Variants in SPART observed in about 807,000 individuals in gnomAD.
SPART encodes spastic paraplegia 20 (Troyer syndrome).
Under a neutral mutation model 58.7 loss-of-function variants are expected in SPART, and 35 were observed. The observed-to-expected ratio is 0.60, with a 90% CI of 0.46 to 0.79. The LOEUF is 0.79. SPART is among the 30% of genes least tolerant of loss of function. The probability of loss-of-function intolerance (pLI) is 0.00; values close to 1 mark genes in which losing one functional copy is unlikely to be tolerated. For missense variants in SPART, 730 were observed against 786.1 expected (o/e 0.93, Z 0.85); for synonymous variants, 284 against 280.7 (o/e 1.01, Z -0.12).
At position 36,304,349 on chromosome 13, in the gene SPART, G is replaced by A. The variant is rs1391182842; in HGVS notation, c.*16C>T. ...CATTTCATAAGGCTTTGGTATAAGT[G>A]ATTCCCAGCACTTCATCATTTATCT... On this transcript the variant is annotated 3_prime_UTR_variant, in exon 9 of 9. Coordinates refer to ENST00000438666, the MANE Select transcript of SPART (RefSeq NM_015087.5). The A allele has an allele frequency of 6.2e-7, 1 of 1,613,908 alleles. No individual in the cohort carries two copies. The highest frequency in any genetic ancestry group is 1.1e-5 in the South Asian group (1 of 91,068).
chr13:36,314,387 A>G lies in SPART; in HGVS notation c.1323T>C (p.Gly441=), dbSNP rs775944726. ...GGATTGCCTTACCAGTAATCTCAGC[A>G]CCTTTGACTAAACCCCAACTCACCC... ...ASWVSWGLVK[G]AEITGKAIQK... is the part of the protein sequence containing the mutation. The change falls in exon 6 of 9, where the codon GGT becomes GGC. Residue 441 remains glycine, a synonymous_variant. Coordinates refer to ENST00000438666, the MANE Select transcript of SPART (RefSeq NM_015087.5). The G allele has an allele frequency of 6.2e-7, 1 of 1,614,136 alleles. No homozygotes were observed. Among genetic ancestry groups the G allele is most frequent in the South Asian group, 1.1e-5 (1 of 91,082 alleles).
At chr13:36,361,258 C>A (rs1885848925) in intron 1 of SPART, among the ~76,000 whole-genome samples, 2 of 152,292 alleles carry the variant, frequency 1.3e-5, no homozygotes, top group Admixed American at 1.3e-4. Flanking sequence ...TCAAAAGAAT[C>A]TGTCTTTTTC....
chr13:36,315,870 A>C (rs572403336), intron 5 of SPART, among the ~76,000 whole-genome samples: 28 of 152,380 alleles, frequency 1.8e-4, no homozygotes, highest in Non-Finnish European at 3.7e-4. Context: ...GATGAAGTCA[A>C]ATGATGACTG....
At position 36,316,347 on chromosome 13, in the gene SPART, C is replaced by T. The variant is rs554033974; in HGVS notation, c.1289-1926G>A. On this transcript the variant is annotated intron_variant, in intron 5 of 8. Transcript: ENST00000438666. ...CAGTGTCAGGCCTCTGAGCCCAAGCCAAGCCATCGCATCCCCTGTGACTTG... is the reference window on the plus strand; with the variant it reads ...CAGTGTCAGGCCTCTGAGCCCAAGCTAAGCCATCGCATCCCCTGTGACTTG... Among the ~76,000 whole-genome samples the T allele has an allele frequency of 3.1e-4, 47 of 152,356 alleles. 1 individual carries two copies. The South Asian group carries it at 9.5e-3, about 31-fold the overall frequency.
chr13:36,305,898 G>A (rs1284388235), intron 8 of SPART, among the ~76,000 whole-genome samples: 2 of 152,056 alleles, frequency 1.3e-5, no homozygotes, highest in African/African-American at 4.8e-5. Context: ...ACCTATATCT[G>A]GACATCTTAT....
At position 36,304,285 on chromosome 13, in the gene SPART, T is replaced by C. The variant is rs995691104; in HGVS notation, c.*80A>G. On this transcript the variant is annotated 3_prime_UTR_variant, in exon 9 of 9. Coordinates refer to ENST00000438666, the MANE Select transcript of SPART (RefSeq NM_015087.5). The stretch of plus-strand genomic sequence containing the variant: ...CATTTAAAAAATACTGGTTAATCTG[T>C]GAGGAATTCCACATTTGCCTATTTA... The C allele has an allele frequency of 8.5e-6, 13 of 1,522,040 alleles. No individual in the cohort carries two copies. In the African/African-American group the frequency reaches 1.6e-4, roughly 19 times the overall value. 94.3% of individuals were successfully genotyped at this position (1,522,040 alleles called of 1,614,324 possible). A position where few individuals can be genotyped will look rare whatever the true frequency, so the allele number is the denominator to read the frequency against.
Position 36,335,507 on chromosome 13 carries a change from C to A in SPART, c.324G>T (p.Gln108His). 1.2e-6 allele frequency: 2 copies of A among 1,614,138 alleles called. No individual in the cohort carries two copies. Among genetic ancestry groups the A allele is most frequent in the Non-Finnish European group, 1.7e-6 (2 of 1,180,032 alleles). Residue 108 changes from glutamine to histidine, a missense_variant, in exon 2 of 9, where the codon CAG becomes CAT. Transcript: ENST00000438666. ...GLATSLQNDL[Q>H]EVPKLYPEFP... ...ATTCTGGATATAACTTGGGCACCTC[C>A]TGAAGATCATTCTGCAGAGAAGTGG...
chr13:36,336,806 A>G (rs1380669812), intron 1 of SPART, among the ~76,000 whole-genome samples: 3 of 152,218 alleles, frequency 2.0e-5, no homozygotes, highest in Non-Finnish European at 4.4e-5. Context: ...CATTCATACA[A>G]TGCAATAATA....
At chr13:36,315,612 C>T (rs895096805) in intron 5 of SPART, among the ~76,000 whole-genome samples, 3 of 152,154 alleles carry the variant, frequency 2.0e-5, no homozygotes, top group Admixed American at 2.0e-4. Flanking sequence ...TCCAATCCTA[C>T]CCCCACTGTC....
chr13:36,360,284 T>TTTAAACTTAAATTTTTGATTC (rs1444143769), intron 1 of SPART, among the ~76,000 whole-genome samples: 1 of 8,708 alleles, frequency 1.1e-4, no homozygotes, highest in Non-Finnish European at 1.8e-4. Context: ...GGAGAAAATT[T>TTTAAACTTAAATTTTTGATTC]TTGGAGAAAA....
upstream of SPART, among the ~76,000 whole-genome samples, chr13:36,349,745 A>G (rs533900607): frequency 6.6e-6 from 1 of 152,360 alleles, no homozygotes; most frequent in East Asian, 1.9e-4. Flanking sequence ...AAACTGAATT[A>G]TCTGTTATCT....
chr13:36,314,573 C>T, intron 5 of SPART, 152 bp from the exon 6 acceptor site: 1 of 780,836 alleles, frequency 1.3e-6, no homozygotes, highest in East Asian at 2.7e-5. Context: ...TAACTTTATA[C>T]CTGCAGTTTT....
intron 6 of SPART, among the ~76,000 whole-genome samples, chr13:36,313,723 T>C (rs553760669): frequency 5.3e-5 from 8 of 152,350 alleles, no homozygotes; most frequent in South Asian, 4.1e-4. Flanking sequence ...TTAGGAGCAA[T>C]AGGCTATATC....
At chr13:36,342,569 A>T (rs1261614818) in intron 1 of SPART, among the ~76,000 whole-genome samples, 2 of 152,278 alleles carry the variant, frequency 1.3e-5, no homozygotes, top group Admixed American at 6.5e-5. Context: ...CTTTGTTAGC[A>T]GCATCCCTGA....
chr13:36,312,101 A>T (rs1881174733), intron 8 of SPART, 44 bp downstream of exon 8: 2 of 1,573,582 alleles, frequency 1.3e-6, no homozygotes, highest in African/African-American at 1.3e-5. Context: ...AACAACAACA[A>T]CAACAAAACA....
intron 8 of SPART, 48 bp downstream of exon 8, chr13:36,312,097 A>T (rs1222160047): frequency 6.4e-7 from 1 of 1,567,946 alleles, no homozygotes; most frequent in Admixed American, 1.7e-5. Context: ...GAAAAACAAC[A>T]ACAACAACAA....
chr13:36,329,336 C>T (rs1245814475), intron 4 of SPART, 26 bp downstream of exon 4: 2 of 1,612,726 alleles, frequency 1.2e-6, no homozygotes, highest in African/African-American at 2.7e-5. Context: ...GAAGACAACA[C>T]ACACACTTAT....
At position 36,312,080 on chromosome 13, in the gene SPART, C is replaced by T; in HGVS notation, c.1733+65G>A. 2.0e-6 allele frequency: 3 copies of T among 1,483,450 alleles called. No homozygotes were observed. The East Asian group carries it at 6.8e-5, about 34-fold the overall frequency. 91.9% of individuals were successfully genotyped at this position (1,483,450 alleles called of 1,614,324 possible). On this transcript the variant is annotated intron_variant, in intron 8 of 8. Transcript: ENST00000438666. ...CCAGCTTGGGCAACAAGAGAAACTC[C>T]CTCTCAGAAAAACAACAACAACAAC...
intron 3 of SPART, among the ~76,000 whole-genome samples, chr13:36,330,682 A>G (rs1318346932): frequency 6.6e-6 from 1 of 152,192 alleles, no homozygotes; most frequent in African/African-American, 2.4e-5. Flanking sequence ...TCTCTCCATA[A>G]TACTCTATTC....
Sources: gnomAD v4.1 joint callset for allele counts (sites outside exome capture counted in the v4.1 genomes callset) on GRCh38, gnomAD v4.1.1 for gene constraint, MANE v1.5 for transcripts, NCBI Gene and HGNC (gene_info 2026-07-23, HGNC 2026-07-21) for gene names.